Variants in ARMC8 observed in about 807,000 individuals in gnomAD.
ARMC8 encodes the protein armadillo repeat-containing protein 8.
ARMC8 carries 20 observed loss-of-function variants against 99.3 expected under a neutral mutation model. The observed-to-expected ratio is 0.20, with a 90% CI of 0.14 to 0.29. ARMC8 has a LOEUF of 0.29. Among genes scored for constraint, ARMC8 ranks in the 10% least tolerant of loss-of-function variants. The probability of loss-of-function intolerance (pLI) is 1.00; values close to 1 mark genes in which losing one functional copy is unlikely to be tolerated. For missense variants in ARMC8, 569 were observed against 809.5 expected, an observed-to-expected ratio of 0.70 and a Z score of 3.60; for synonymous variants, 263 against 278.3, an observed-to-expected ratio of 0.95 and a Z score of 0.55.
At chr3:138,228,804 G>C in intron 5 of ARMC8, 114 bp from the exon 6 acceptor site, 1 of 656,690 alleles carries the variant, frequency 1.5e-6, no homozygotes, top group South Asian at 1.5e-5. Flanking sequence ...AAGGAGACTT[G>C]ATTGACTGTC....
At chr3:138,213,427 G>A (rs985211344) in intron 2 of ARMC8, among the ~76,000 whole-genome samples, 1 of 152,154 alleles carries the variant, frequency 6.6e-6, no homozygotes, top group Admixed American at 6.5e-5. Flanking sequence ...GTCCTGTTGT[G>A]TAAAAGGTTT....
At chr3:138,188,073 C>T in intron 1 of ARMC8, 1 of 224,164 alleles carries the variant, frequency 4.5e-6, no homozygotes, top group Non-Finnish European at 9.0e-6. Flanking sequence ...TCAGAGCTGC[C>T]AGGCCAAGTC....
intron 10 of ARMC8, among the ~76,000 whole-genome samples, chr3:138,240,219 A>T (rs2046543134): frequency 6.6e-6 from 1 of 152,208 alleles, no homozygotes; most frequent in African/African-American, 2.4e-5. Flanking sequence ...ATGTCTTATT[A>T]GCTATAAAAA....
chr3:138,263,404 G>A (rs576924118), intron 12 of ARMC8: 3 of 252,506 alleles, frequency 1.2e-5, no homozygotes, highest in Admixed American at 9.8e-5. Flanking sequence ...CCTGCCCAAT[G>A]AGAGTTCATT....
chr3:138,245,223 A>G (rs1446616170), intron 12 of ARMC8, 40 bp downstream of exon 12: 2 of 1,614,104 alleles, frequency 1.2e-6, no homozygotes, highest in Non-Finnish European at 1.7e-6. Flanking sequence ...CCTGACAGCC[A>G]GCAGGCAGGG....
intron 12 of ARMC8, among the ~76,000 whole-genome samples, chr3:138,262,850 CA>C (rs2047890893): frequency 6.6e-6 from 1 of 152,172 alleles, no homozygotes; most frequent in African/African-American, 2.4e-5. Context: ...GGCTGTATTA[CA>C]AGTGTGGCTG....
intron 10 of ARMC8, among the ~76,000 whole-genome samples, chr3:138,240,166 C>T (rs1353694529): frequency 3.3e-5 from 5 of 152,246 alleles, no homozygotes; most frequent in Non-Finnish European, 7.4e-5. Flanking sequence ...CTCATCTATG[C>T]ACAGGGTTAT....
intron 1 of ARMC8, among the ~76,000 whole-genome samples, chr3:138,204,180 G>A (rs965543573): frequency 1.3e-4 from 20 of 151,946 alleles, no homozygotes; most frequent in African/African-American, 4.4e-4. Flanking sequence ...TGCAACCTCC[G>A]CCTCTGTGGA....
intron 2 of ARMC8, among the ~76,000 whole-genome samples, chr3:138,215,116 CT>C (rs2044937887): frequency 6.6e-6 from 1 of 152,166 alleles, no homozygotes; most frequent in Non-Finnish European, 1.5e-5. Flanking sequence ...TTGACATGGT[CT>C]TTACTTGCAG....
intron 5 of ARMC8, among the ~76,000 whole-genome samples, chr3:138,223,964 T>C (rs868039538): frequency 2.7e-5 from 4 of 150,486 alleles, no homozygotes; most frequent in South Asian, 4.2e-4. Context: ...TCTCTTTTTT[T>C]TTTTTTTTTT....
chr3:138,188,545 G>T (rs2043203858), intron 1 of ARMC8: 7 of 1,613,868 alleles, frequency 4.3e-6, no homozygotes, highest in South Asian at 1.1e-5. Flanking sequence ...GTTTACCAAT[G>T]GTTCATTTGC....
At chr3:138,248,358 A>AACACAT (rs2046974009) in intron 12 of ARMC8, among the ~76,000 whole-genome samples, 1 of 152,222 alleles carries the variant, frequency 6.6e-6, no homozygotes, top group Non-Finnish European at 1.5e-5. Context: ...AAGGGTCCAG[A>AACACAT]ACACATTAGC....
At chr3:138,285,361 C>G (rs992123933) in intron 19 of ARMC8, among the ~76,000 whole-genome samples, 4 of 152,146 alleles carry the variant, frequency 2.6e-5, no homozygotes, top group Admixed American at 6.5e-5. Flanking sequence ...GTTCGTATGC[C>G]TTTATGATGG....
chr3:138,250,333 A>T (rs1029740897), intron 12 of ARMC8, among the ~76,000 whole-genome samples: 3 of 152,242 alleles, frequency 2.0e-5, no homozygotes, highest in Middle Eastern at 3.4e-3. Context: ...AGATTAAAAA[A>T]ATATATTTTT....
chr3:138,258,044 C>G (rs931019944), intron 12 of ARMC8, among the ~76,000 whole-genome samples: 1 of 152,164 alleles, frequency 6.6e-6, no homozygotes, highest in South Asian at 2.1e-4. Flanking sequence ...AAAACTTTCT[C>G]TGGAAACTTT....
intron 2 of ARMC8, among the ~76,000 whole-genome samples, chr3:138,217,223 G>A (rs1192198244): frequency 2.0e-5 from 3 of 152,090 alleles, no homozygotes; most frequent in Non-Finnish European, 2.9e-5. Context: ...GTCGTTAAGC[G>A]AAGCATGACT....
In ARMC8 at chr3:138,284,317, T is replaced by G. The variant is rs998959477; in HGVS notation, c.1726-114T>G. On this transcript the variant is annotated intron_variant, in intron 18 of 21. Transcript: ENST00000469044. ...AGATGAGAAATCAGGGCATTGAGAG[T>G]GGAACCTGTGAGAATCCATGTACCT... 7 of 733,696 alleles carry G rather than the reference T, an allele frequency of 9.5e-6. No homozygotes were observed. In the Admixed American group the frequency reaches 1.2e-4, roughly 13 times the overall value. The allele number at this position is 733,696 out of a possible 1,614,324, so 45.4% of individuals were successfully genotyped here. A position where few individuals can be genotyped will look rare whatever the true frequency, so the allele number is the denominator to read the frequency against.
chr3:138,245,079 T>C lies in ARMC8; in HGVS notation c.1039-9T>C, dbSNP rs2046820790. On this transcript the variant is annotated splice_polypyrimidine_tract_variant and intron_variant, in intron 11 of 21. Transcript: ENST00000469044. ...ACTGAGTTGGAACATATCCTTTTTT[T>C]CCCCATAGCTTGATCATGATTTAAA... is the stretch of plus-strand genomic sequence containing the variant. 1.2e-6 allele frequency: 2 copies of C among 1,613,160 alleles called. No individual in the cohort carries two copies. The highest frequency in any genetic ancestry group is 2.7e-5 in the African/African-American group (2 of 74,926).
At chr3:138,295,818 C>T in intron 21 of ARMC8, 41 bp from the exon 22 acceptor site, 4 of 1,610,066 alleles carry the variant, frequency 2.5e-6, no homozygotes, top group East Asian at 2.2e-5. Flanking sequence ...ACCCCAATTA[C>T]AATTCTGAGA....
Sources: gnomAD v4.1 joint callset for allele counts (sites outside exome capture counted in the v4.1 genomes callset) on GRCh38, gnomAD v4.1.1 for gene constraint, MANE v1.5 for transcripts, NCBI Gene and HGNC (gene_info 2026-07-23, HGNC 2026-07-21) for gene names.